The following NCKAP5 variants were observed in gnomAD, a reference collection of about 807,000 sequenced individuals.
NCKAP5 encodes the protein nck-associated protein 5.
A neutral mutation model predicts 167.0 loss-of-function variants in NCKAP5; 92 were observed. The ratio of observed to expected loss-of-function variants is 0.55; its 90% CI spans 0.47 to 0.66. NCKAP5 has a LOEUF of 0.66. Among genes scored for constraint, NCKAP5 ranks in the 30% least tolerant of loss-of-function variants. NCKAP5 has a pLI of 0.00. For missense variants in NCKAP5, 2,378 were observed against 2,315.0 expected, an observed-to-expected ratio of 1.03 and a Z score of -0.56; for synonymous variants, 891 against 877.4, an observed-to-expected ratio of 1.02 and a Z score of -0.27.
At chr2:133,069,181 T>C (rs2080300967) in intron 6 of NCKAP5, among the ~76,000 whole-genome samples, 1 of 152,136 alleles carries the variant, frequency 6.6e-6, no homozygotes. Context: ...CCAGCCTAAA[T>C]AGAAAATAAC....
rs149727711 is a variant in NCKAP5, at chr2:133,025,099, G to A, written c.342-30860C>T. On this transcript the variant is annotated intron_variant, in intron 6 of 19. Transcript: ENST00000409261. ...CTAGAGAAACGGACAAAGAAAATGT[G>A]CTTCCTCTCTTCACTTTACCATCCT... 2.4e-4 allele frequency among the ~76,000 whole-genome samples: 36 copies of A among 152,304 alleles called. No homozygotes were observed. The East Asian group carries it at 7.0e-3, about 29-fold the overall frequency.
chr2:132,794,251 TATATATATATATAGAGAGAGAGAGAGAG>T (rs1221658335), intron 12 of NCKAP5, among the ~76,000 whole-genome samples: 46 of 58,846 alleles, frequency 7.8e-4, no homozygotes, highest in African/African-American at 2.7e-3. Flanking sequence ...TATATATATA[TATATATATATATAGAGAGAGAGAGAGAG>T]AGAGAGAGAG....
chr2:133,559,939 C>T (rs1417583172), intron 1 of NCKAP5, among the ~76,000 whole-genome samples: 1 of 152,164 alleles, frequency 6.6e-6, no homozygotes, highest in African/African-American at 2.4e-5. Context: ...TATCTGTTCC[C>T]ACTCCTCTTG....
At chr2:133,495,504 C>G (rs1681866528) in intron 3 of NCKAP5, among the ~76,000 whole-genome samples, 1 of 152,198 alleles carries the variant, frequency 6.6e-6, no homozygotes, top group South Asian at 2.1e-4. Context: ...CCATTACCTC[C>G]CTCAAACCAT....
chr2:132,767,559 T>G (rs1444302829), intron 16 of NCKAP5, among the ~76,000 whole-genome samples: 1 of 152,210 alleles, frequency 6.6e-6, no homozygotes, highest in Non-Finnish European at 1.5e-5. Flanking sequence ...TTTTCTTAAC[T>G]ATGAATAAAA....
chr2:133,644,139 A>T, the NCKAP5 span, among the ~76,000 whole-genome samples: 12 of 152,200 alleles, frequency 7.9e-5, no homozygotes, highest in Admixed American at 6.5e-4. Flanking sequence ...GTCTGTGAGG[A>T]TGTTCCTGGA....
intron 6 of NCKAP5, among the ~76,000 whole-genome samples, chr2:133,081,934 A>AGAT (rs1293696875): frequency 6.6e-6 from 1 of 152,150 alleles, no homozygotes; most frequent in Non-Finnish European, 1.5e-5. Context: ...TATTTTATAT[A>AGAT]GATAAACTGA....
intron 6 of NCKAP5, among the ~76,000 whole-genome samples, chr2:133,021,819 C>T (rs893970463): frequency 6.6e-5 from 10 of 152,044 alleles, no homozygotes; most frequent in African/African-American, 2.2e-4. Context: ...TTAGTAGAGA[C>T]GAGGTTTTGC....
At chr2:132,733,239 C>A (rs1176456942) in intron 16 of NCKAP5, among the ~76,000 whole-genome samples, 1 of 152,160 alleles carries the variant, frequency 6.6e-6, no homozygotes, top group Non-Finnish European at 1.5e-5. Flanking sequence ...ATATGATAAT[C>A]CTGGAAGGAA....
intron 11 of NCKAP5, among the ~76,000 whole-genome samples, chr2:132,823,375 GA>G (rs1686901151): frequency 6.6e-6 from 1 of 152,150 alleles, no homozygotes; most frequent in South Asian, 2.1e-4. Flanking sequence ...TTATAAGCCA[GA>G]AGGGATTGGG....
At chr2:133,511,447 G>C (rs1428141203) in intron 3 of NCKAP5, among the ~76,000 whole-genome samples, 2 of 152,312 alleles carry the variant, frequency 1.3e-5, no homozygotes, top group Admixed American at 1.3e-4. Context: ...GATGGGCTGA[G>C]CTCGGCTGGT....
chr2:132,779,109 T>C (rs1682797937), intron 15 of NCKAP5, among the ~76,000 whole-genome samples: 1 of 152,214 alleles, frequency 6.6e-6, no homozygotes, highest in African/African-American at 2.4e-5. Flanking sequence ...GTGGGGTCGT[T>C]AGGGAATCTT....
chr2:133,313,409 C>A (rs1198945875), intron 3 of NCKAP5, among the ~76,000 whole-genome samples: 1 of 152,036 alleles, frequency 6.6e-6, no homozygotes, highest in Non-Finnish European at 1.5e-5. Context: ...TAAATCTACA[C>A]AAAAGTTAAA....
At position 133,393,020 on chromosome 2, in the gene NCKAP5, C is replaced by T. The variant is rs113200314; in HGVS notation, c.70-89910G>A. Among the ~76,000 whole-genome samples, 191 of 152,294 alleles carry T rather than the reference C, an allele frequency of 1.3e-3. 3 individuals carry two copies. Among genetic ancestry groups the T allele is most frequent in the Admixed American group, 6.4e-3 (98 of 15,292 alleles). ...TCCTCTCAGTACAGAAGCCAGGATA[C>T]GCAACCCATCAAATAAGACTGGTTT... On this transcript the variant is annotated intron_variant, in intron 3 of 19. Transcript: ENST00000409261.
chr2:133,043,730 C>T (rs549807420), intron 6 of NCKAP5, among the ~76,000 whole-genome samples: 8 of 152,236 alleles, frequency 5.3e-5, no homozygotes, highest in East Asian at 3.9e-4. Context: ...AGACTAAGTA[C>T]GTAATAAATG....
chr2:133,345,089 G>A (rs1376784269), intron 3 of NCKAP5, among the ~76,000 whole-genome samples: 3 of 152,138 alleles, frequency 2.0e-5, no homozygotes, highest in South Asian at 4.1e-4. Context: ...TTTATAGAAA[G>A]AGGTGTGAAT....
chr2:132,781,078 C>T lies in NCKAP5; in HGVS notation c.5023G>A (p.Asp1675Asn), dbSNP rs72989577. 15,569 of 1,613,462 alleles carry T rather than the reference C, an allele frequency of 9.6e-3. 272 individuals carry two copies. The highest frequency in any genetic ancestry group is 0.085 in the East Asian group (3,811 of 44,854). Residue 1675 changes from aspartate (D) to asparagine (N), a missense_variant, in exon 15 of 20, where the codon GAT becomes AAT. Physicochemically the swap from Asp to Asn is conservative, Grantham distance 23. This residue lies in a region of NCKAP5 where 1,325 missense variants were observed against 1,274.5 expected (regional missense o/e 1.04). Transcript: ENST00000409261. ...AGGGAGTCTTTTGGTACTTCCATAT[C>T]GGCTTTGATTTTCATGTTTTTCTTG... ...NHKKNMKIKA[D>N]MEVPKDSLVK... is the part of the protein sequence containing the mutation.
chr2:132,985,776 T>C (rs1167069188), intron 7 of NCKAP5, among the ~76,000 whole-genome samples: 1 of 152,188 alleles, frequency 6.6e-6, no homozygotes, highest in Non-Finnish European at 1.5e-5. Flanking sequence ...CTTCAGCAGC[T>C]ATTCGAAGTT....
At chr2:133,273,741 T>C (rs1038585636) in intron 4 of NCKAP5, among the ~76,000 whole-genome samples, 1 of 151,764 alleles carries the variant, frequency 6.6e-6, no homozygotes, top group Non-Finnish European at 1.5e-5. Flanking sequence ...TGTTACTAAA[T>C]AAGATTTATC....
Sources: gnomAD v4.1 joint callset for allele counts (sites outside exome capture counted in the v4.1 genomes callset) on GRCh38, gnomAD v4.1.1 for gene constraint, gnomAD v4.1.1 regional missense constraint, MANE v1.5 for transcripts, NCBI Gene and HGNC (gene_info 2026-07-23, HGNC 2026-07-21) for gene names.